The following LRRIQ3 variants were observed in gnomAD, a reference collection of about 807,000 sequenced individuals.
LRRIQ3 encodes the protein leucine-rich repeat and IQ domain-containing protein 3.
LRRIQ3 carries 75 observed loss-of-function variants against 59.3 expected under a neutral mutation model. The observed-to-expected ratio is 1.26, with a 90% confidence interval of 1.05 to 1.53. The LOEUF (loss-of-function observed/expected upper bound fraction) is 1.53. Ranked by LOEUF, LRRIQ3 falls within the 40% of genes most tolerant of loss-of-function variation. LRRIQ3 has a pLI of 0.00. For synonymous variants in LRRIQ3, 250 were observed against 231.3 expected (o/e 1.08, Z -0.73); for missense variants, 831 against 710.0 (o/e 1.17, Z -1.94).
intron 4 of LRRIQ3, among the ~76,000 whole-genome samples, chr1:74,154,936 T>C (rs1570225310): frequency 6.6e-6 from 1 of 152,186 alleles, no homozygotes; most frequent in African/African-American, 2.4e-5. Flanking sequence ...TTTCTCTTTA[T>C]CAGGACTATT....
rs1218054794 is a variant in LRRIQ3 at position 74,183,430 on chromosome 1, G to C, written c.249+6C>G. 2 of 1,557,956 alleles carry C rather than the reference G, an allele frequency of 1.3e-6. No homozygotes were observed. Among genetic ancestry groups the C allele is most frequent in the Non-Finnish European group, 1.7e-6 (2 of 1,152,658 alleles). On this transcript the variant is annotated splice_donor_region_variant and intron_variant, in intron 2 of 7. Coordinates refer to ENST00000354431, the MANE Select transcript of LRRIQ3 (RefSeq NM_001105659.2). ...TATGCAAATATCTGAAATGGCTATT[G>C]CTTACCTGATTTCCATGGAGATCAA...
intron 4 of LRRIQ3, among the ~76,000 whole-genome samples, chr1:74,152,285 C>G (rs1310971443): frequency 1.3e-5 from 2 of 151,726 alleles, no homozygotes; most frequent in Non-Finnish European, 2.9e-5. Context: ...GTGAAATAGA[C>G]TAAAATAAGG....
At chr1:74,110,134 C>T (rs937642736) in intron 4 of LRRIQ3, among the ~76,000 whole-genome samples, 5 of 151,448 alleles carry the variant, frequency 3.3e-5, no homozygotes, top group Non-Finnish European at 7.4e-5. Context: ...AAAATATTAC[C>T]CAATAAATGG....
intron 5 of LRRIQ3, 133 bp downstream of exon 5, chr1:74,109,261 A>T: frequency 1.4e-6 from 1 of 729,882 alleles, no homozygotes; most frequent in Non-Finnish European, 2.3e-6. Flanking sequence ...TCAATCAAAA[A>T]ATATAAAGCA....
At chr1:74,176,983 C>T (rs140490839) in intron 3 of LRRIQ3, among the ~76,000 whole-genome samples, 1 of 152,206 alleles carries the variant, frequency 6.6e-6, no homozygotes, top group East Asian at 1.9e-4. Flanking sequence ...AATGTGAGAC[C>T]ACAGATTTTT....
chr1:74,099,817 C>T (rs1396379289), intron 5 of LRRIQ3, among the ~76,000 whole-genome samples: 1 of 152,152 alleles, frequency 6.6e-6, no homozygotes, highest in Admixed American at 6.6e-5. Context: ...ACATGATTAT[C>T]TCAATAGATG....
At chr1:74,121,060 TA>T (rs1188619150) in intron 4 of LRRIQ3, among the ~76,000 whole-genome samples, 2 of 152,290 alleles carry the variant, frequency 1.3e-5, no homozygotes, top group Middle Eastern at 3.4e-3. Flanking sequence ...AATAGGTATT[TA>T]AAAAACTTTT....
intron 5 of LRRIQ3, among the ~76,000 whole-genome samples, chr1:74,076,681 C>A (rs1646214006): frequency 6.6e-6 from 1 of 151,914 alleles, no homozygotes. Flanking sequence ...TTCTTAGTTT[C>A]TATTATTTAA....
intron 4 of LRRIQ3, among the ~76,000 whole-genome samples, chr1:74,141,982 TAC>T (rs66546682): frequency 0.22 from 32,484 of 150,098 alleles, 5,066 homozygotes; most frequent in African/African-American, 0.44. Flanking sequence ...ATTCCATTTA[TAC>T]ACACACACAC....
intron 6 of LRRIQ3, among the ~76,000 whole-genome samples, chr1:74,061,688 C>A (rs1207355249): frequency 1.3e-5 from 2 of 152,052 alleles, no homozygotes; most frequent in African/African-American, 4.8e-5. Context: ...GACATGGGAC[C>A]AGGCAAAGAT....
chr1:74,165,304 G>C (rs1648913788), intron 3 of LRRIQ3, among the ~76,000 whole-genome samples: 1 of 151,476 alleles, frequency 6.6e-6, no homozygotes, highest in African/African-American at 2.4e-5. Context: ...CAGCGCAGCA[G>C]TACTGTGCAT....
chr1:74,125,477 T>C (rs1385424285), intron 4 of LRRIQ3, among the ~76,000 whole-genome samples: 1 of 151,972 alleles, frequency 6.6e-6, no homozygotes, highest in Non-Finnish European at 1.5e-5. Flanking sequence ...AGTCTGAATC[T>C]AGCTGTAGGT....
chr1:74,164,025 G>T (rs1648815361), intron 3 of LRRIQ3, among the ~76,000 whole-genome samples: 1 of 150,740 alleles, frequency 6.6e-6, no homozygotes, highest in East Asian at 1.9e-4. Flanking sequence ...TGATTACTTT[G>T]CCATCTGTAT....
At chr1:74,067,663 T>G (rs904613894) in intron 6 of LRRIQ3, among the ~76,000 whole-genome samples, 3 of 152,094 alleles carry the variant, frequency 2.0e-5, no homozygotes, top group Admixed American at 6.6e-5. Context: ...TATCTGCTTT[T>G]TTTTCTTAAT....
intron 3 of LRRIQ3, chr1:74,179,859 A>G (rs1570268158): frequency 6.6e-6 from 1 of 151,940 alleles, no homozygotes; most frequent in East Asian, 1.9e-4. Flanking sequence ...ATACTTCTTC[A>G]CAATGATTTT....
rs748055913 is a variant in LRRIQ3, at chr1:74,183,713, T to G, written c.1-29A>C. The G allele has an allele frequency of 2.1e-5, 29 of 1,401,864 alleles. 1 individual carries two copies. The South Asian group carries it at 4.8e-4, about 23-fold the overall frequency. 86.8% of individuals were successfully genotyped at this position (1,401,864 alleles called of 1,614,324 possible). A position where few individuals can be genotyped will look rare whatever the true frequency, so the allele number is the denominator to read the frequency against. On this transcript the variant is annotated intron_variant, in intron 1 of 7. Transcript: ENST00000354431. ...GGAAAGATAAGAAAGTGCTTTGATT[T>G]TTTTTTCCACTTTCAAAAATTTACC...
chr1:74,082,297 C>A (rs552977271), intron 5 of LRRIQ3: 1 of 151,502 alleles, frequency 6.6e-6, no homozygotes, highest in African/African-American at 2.4e-5. Flanking sequence ...TTTTATTAAA[C>A]CTCATGTTTT....
intron 7 of LRRIQ3, among the ~76,000 whole-genome samples, chr1:74,037,426 T>C (rs896508506): frequency 2.6e-5 from 4 of 152,026 alleles, no homozygotes; most frequent in African/African-American, 9.7e-5. Flanking sequence ...TCACCTGAGG[T>C]CAGGAGCTGG....
intron 6 of LRRIQ3, among the ~76,000 whole-genome samples, chr1:74,058,594 G>A (rs1424109302): frequency 1.3e-5 from 2 of 152,120 alleles, no homozygotes; most frequent in South Asian, 2.1e-4. Context: ...ATAGTCAGAG[G>A]TTGGTTAACA....
Sources: allele counts gnomAD v4.1 joint callset (sites outside exome capture counted in the v4.1 genomes callset), GRCh38; gene constraint gnomAD v4.1.1; transcripts MANE v1.5; gene names NCBI Gene and HGNC (gene_info 2026-07-23, HGNC 2026-07-21).